The following PTPRT variants were observed in gnomAD, a reference collection of about 807,000 sequenced individuals.
The protein encoded by PTPRT is protein tyrosine phosphatase receptor type T.
A neutral mutation model predicts 176.8 loss-of-function variants in PTPRT; 56 were observed. That is an observed-to-expected ratio of 0.32 (90% CI 0.26 to 0.40). PTPRT has a LOEUF of 0.40. PTPRT is among the 10% of genes least tolerant of loss of function. The pLI, the probability that PTPRT is intolerant of heterozygous loss-of-function variation, is 1.00. For synonymous variants in PTPRT, 783 were observed against 739.0 expected, an observed-to-expected ratio of 1.06 and a Z score of -0.96; for missense variants, 1,540 against 1,908.2, an observed-to-expected ratio of 0.81 and a Z score of 3.60.
chr20:42,116,185 C>T, intron 21 of PTPRT: 1 of 698,048 alleles, frequency 1.4e-6, no homozygotes, highest in Non-Finnish European at 2.6e-6. Flanking sequence ...TGCTGTATTA[C>T]ACAGTTAAAT....
At chr20:42,931,351 A>C (rs1979836167) in intron 1 of PTPRT, among the ~76,000 whole-genome samples, 1 of 152,208 alleles carries the variant, frequency 6.6e-6, no homozygotes, top group Non-Finnish European at 1.5e-5. Context: ...TGGAGAATCA[A>C]GTCAGGAAGA....
At position 42,472,296 on chromosome 20, in the gene PTPRT, C is replaced by G; in HGVS notation, c.1420G>C (p.Glu474Gln). The G allele has an allele frequency of 6.2e-7, 1 of 1,614,206 alleles. No homozygotes were observed. The highest frequency in any genetic ancestry group is 8.5e-7 in the Non-Finnish European group (1 of 1,180,022). The change falls in exon 8 of 31, where the codon GAG becomes CAG. Residue 474 changes from glutamate to glutamine, a missense_variant. Transcript: ENST00000373187. ...LSNPEGRMES[E>Q]ELVVQTEEDV... is the part of the protein sequence containing the mutation. ...TCCTCAGTCTGCACCACCAGCTCCT[C>G]GCTCTCCATTCGGCCCTCGGGGTTA...
intron 17 of PTPRT, among the ~76,000 whole-genome samples, chr20:42,150,802 G>T (rs1262916857): frequency 2.7e-5 from 4 of 147,316 alleles, no homozygotes; most frequent in Non-Finnish European, 4.5e-5. Flanking sequence ...TAACTTTTTG[G>T]TTGATGAAAT....
At chr20:43,084,102 T>C (rs1161542652) in intron 1 of PTPRT, among the ~76,000 whole-genome samples, 1 of 152,224 alleles carries the variant, frequency 6.6e-6, no homozygotes, top group African/African-American at 2.4e-5. Flanking sequence ...ACGTAGGTTT[T>C]CATTACTCTT....
intron 7 of PTPRT, among the ~76,000 whole-genome samples, chr20:42,492,969 T>C (rs6093660): frequency 0.14 from 21,819 of 152,182 alleles, 3,825 homozygotes; most frequent in African/African-American, 0.42. Context: ...TCTCTAGTTA[T>C]TTTTTGTCTA....
chr20:42,818,821 TA>T (rs1447984823), intron 2 of PTPRT, among the ~76,000 whole-genome samples: 2 of 152,012 alleles, frequency 1.3e-5, no homozygotes, highest in Non-Finnish European at 2.9e-5. Flanking sequence ...ATCACCTTAC[TA>T]AAATAAGATA....
rs754386091 is a variant in PTPRT at position 42,118,518 on chromosome 20, A to G, written c.2885-18T>C. On this transcript the variant is annotated intron_variant, in intron 20 of 30. Transcript: ENST00000373187. The stretch of plus-strand genomic sequence containing the variant: ...CATCGGACCTGCCAACAGAGAAGAC[A>G]GTGAGGTTAGAGAATGCAAGTGCAA... 65 of 1,593,306 alleles carry G rather than the reference A, an allele frequency of 4.1e-5. No individual in the cohort carries two copies. The highest frequency in any genetic ancestry group is 9.4e-6 in the Non-Finnish European group (11 of 1,168,704).
In PTPRT at chr20:43,144,290, T is replaced by C. The variant is rs117996168; in HGVS notation, c.88+45356A>G. ...CTGAGCTCGTGGCCTTGTCCCCATA[T>C]ACCCAAACACTGCATTGGAGGATGG... On this transcript the variant is annotated intron_variant, in intron 1 of 30. Transcript: ENST00000373187. Among the ~76,000 whole-genome samples the C allele has an allele frequency of 6.8e-4, 104 of 152,312 alleles. No individual in the cohort carries two copies. The East Asian group carries it at 0.019, about 28-fold the overall frequency.
At chr20:42,434,233 T>A (rs1187896569) in intron 9 of PTPRT, among the ~76,000 whole-genome samples, 3 of 151,916 alleles carry the variant, frequency 2.0e-5, no homozygotes, top group Non-Finnish European at 1.5e-5. Context: ...TAATGAAAAC[T>A]AAATTATTTT....
At chr20:43,105,480 A>G (rs976442623) in intron 1 of PTPRT, among the ~76,000 whole-genome samples, 1 of 151,974 alleles carries the variant, frequency 6.6e-6, no homozygotes, top group Non-Finnish European at 1.5e-5. Flanking sequence ...AGCTCACTGC[A>G]ACCTCCACCT....
intron 2 of PTPRT, among the ~76,000 whole-genome samples, chr20:42,868,414 A>C (rs2078787649): frequency 6.6e-6 from 1 of 152,212 alleles, no homozygotes; most frequent in Non-Finnish European, 1.5e-5. Context: ...GCTTTCTGAA[A>C]GGGAGAACTT....
At chr20:42,601,897 A>G (rs1367049534) in intron 7 of PTPRT, among the ~76,000 whole-genome samples, 1 of 152,150 alleles carries the variant, frequency 6.6e-6, no homozygotes, top group African/African-American at 2.4e-5. Flanking sequence ...ACTGACTGTC[A>G]GGCGGAGGTC....
At chr20:42,546,701 C>A (rs2145598731) in intron 7 of PTPRT, among the ~76,000 whole-genome samples, 1 of 152,218 alleles carries the variant, frequency 6.6e-6, no homozygotes, top group South Asian at 2.1e-4. Context: ...CACTTGAACA[C>A]TTAGAAGCCA....
chr20:43,065,611 T>C (rs2011106138), intron 1 of PTPRT, among the ~76,000 whole-genome samples: 1 of 152,170 alleles, frequency 6.6e-6, no homozygotes, highest in Non-Finnish European at 1.5e-5. Context: ...CCCAGAACTA[T>C]GCAAAGGAGA....
chr20:42,119,272 G>T (rs539646890), intron 20 of PTPRT, among the ~76,000 whole-genome samples: 1 of 152,064 alleles, frequency 6.6e-6, no homozygotes, highest in African/African-American at 2.4e-5. Context: ...CTTACCAAGC[G>T]TAACAGTTTT....
At chr20:42,988,138 G>T (rs528606545) in intron 1 of PTPRT, among the ~76,000 whole-genome samples, 6 of 152,328 alleles carry the variant, frequency 3.9e-5, no homozygotes, top group Non-Finnish European at 7.3e-5. Context: ...CCATCTTGGA[G>T]ACGGGCCACT....
chr20:42,819,742 TA>T (rs199792404), intron 2 of PTPRT, among the ~76,000 whole-genome samples: 2,090 of 147,806 alleles, frequency 0.014, 22 homozygotes, highest in Middle Eastern at 0.017. Context: ...AAAATAAAAA[TA>T]AAAAAAAATA....
intron 1 of PTPRT, among the ~76,000 whole-genome samples, chr20:43,022,832 T>G (rs1173379650): frequency 1.3e-5 from 2 of 152,198 alleles, no homozygotes; most frequent in African/African-American, 2.4e-5. Flanking sequence ...CTGCAGACTT[T>G]GTCTTCCACC....
intron 6 of PTPRT, among the ~76,000 whole-genome samples, chr20:42,749,262 T>C (rs1410681523): frequency 6.6e-6 from 1 of 152,132 alleles, no homozygotes; most frequent in African/African-American, 2.4e-5. Context: ...AAATGTCCCC[T>C]TGCCTACTTA....
Sources: allele counts gnomAD v4.1 joint callset (sites outside exome capture counted in the v4.1 genomes callset), GRCh38; gene constraint gnomAD v4.1.1; transcripts MANE v1.5; gene names NCBI Gene and HGNC (gene_info 2026-07-23, HGNC 2026-07-21).